Variants in PIP4K2B observed in about 807,000 individuals in gnomAD.
PIP4K2B encodes the protein phosphatidylinositol 5-phosphate 4-kinase type-2 beta.
In PIP4K2B, 3 loss-of-function variants were observed where a neutral mutation model predicts 42.0. The ratio of observed to expected loss-of-function variants is 0.07; its 90% CI spans 0.03 to 0.18. The LOEUF (loss-of-function observed/expected upper bound fraction) is 0.18, where lower values mean the gene tolerates loss of function less well. PIP4K2B is among the 10% of genes least tolerant of loss of function. The probability of loss-of-function intolerance (pLI) is 1.00; values close to 1 mark genes in which losing one functional copy is unlikely to be tolerated. For missense variants in PIP4K2B, 332 were observed against 562.3 expected (o/e 0.59, Z 4.14); for synonymous variants, 204 against 210.1 (o/e 0.97, Z 0.25).
chr17:38,787,571 G>A (rs923398529), intron 1 of PIP4K2B, among the ~76,000 whole-genome samples: 3 of 152,086 alleles, frequency 2.0e-5, no homozygotes, highest in African/African-American at 7.2e-5. Context: ...AGTTAAGCTA[G>A]GCAATACTAT....
chr17:38,786,949 C>T (rs766835627), intron 1 of PIP4K2B, 29 bp from the exon 2 acceptor site: 2 of 1,462,656 alleles, frequency 1.4e-6, no homozygotes, highest in African/African-American at 2.8e-5. Context: ...GTAAGGCTCT[C>T]AGCCAGGAGG....
rs34374571 is a variant in PIP4K2B, at chr17:38,794,609, TAAAAAAAA to T, written c.159+4649_159+4656del. Among the ~76,000 whole-genome samples, 39 of 34,250 alleles carry T rather than the reference TAAAAAAAA, an allele frequency of 1.1e-3. No homozygotes were observed. The East Asian group carries it at 0.027, about 24-fold the overall frequency. The allele number at this position is 34,250 out of a possible 152,430, so 22.5% of individuals were successfully genotyped here. A position where few individuals can be genotyped will look rare whatever the true frequency, so the allele number is the denominator to read the frequency against. ...GCAATACAGAGAAACCCCAATTCATTAAAAAAAAAAAAAAAAAAAAAAAGAGCTAGAAC... is the reference window on the plus strand; with the variant it reads ...GCAATACAGAGAAACCCCAATTCATTAAAAAAAAAAAAAAAGAGCTAGAAC... On this transcript the variant is annotated intron_variant, in intron 1 of 9. Transcript: ENST00000619039.
At chr17:38,795,118 A>G (rs560352838) in intron 1 of PIP4K2B, among the ~76,000 whole-genome samples, 34 of 150,848 alleles carry the variant, frequency 2.3e-4, no homozygotes, top group African/African-American at 3.4e-4. Context: ...AAAAAAAAAA[A>G]AAAAAAGAAA....
chr17:38,783,037 T>C (rs1157481290), intron 3 of PIP4K2B, among the ~76,000 whole-genome samples: 4 of 149,470 alleles, frequency 2.7e-5, no homozygotes, highest in South Asian at 2.1e-4. Flanking sequence ...AAAAAAGAAA[T>C]GCAAAAAATT....
At chr17:38,783,979 C>T (rs1396576896) in intron 3 of PIP4K2B, among the ~76,000 whole-genome samples, 4 of 152,180 alleles carry the variant, frequency 2.6e-5, no homozygotes, top group Non-Finnish European at 5.9e-5. Flanking sequence ...AATAAAGGTG[C>T]TTCCGCAGAC....
At chr17:38,796,654 C>T (rs970262849) in intron 1 of PIP4K2B, among the ~76,000 whole-genome samples, 1 of 152,186 alleles carries the variant, frequency 6.6e-6, no homozygotes, top group Non-Finnish European at 1.5e-5. Flanking sequence ...ACACCAAGTT[C>T]AAAGTCCTCT....
chr17:38,770,325 A>G (rs1274463091), intron 9 of PIP4K2B, 111 bp downstream of exon 9: 1 of 705,338 alleles, frequency 1.4e-6, no homozygotes, highest in Admixed American at 2.1e-5. Context: ...AGAAGGAGAC[A>G]GGAGTGTGTT....
chr17:38,796,139 AAAAC>A (rs1048903945), intron 1 of PIP4K2B, among the ~76,000 whole-genome samples: 22 of 152,186 alleles, frequency 1.4e-4, no homozygotes, highest in African/African-American at 2.9e-4. Flanking sequence ...CTCCATCACA[AAAAC>A]AAACAAACAA....
In PIP4K2B at chr17:38,769,674, C is replaced by T; in HGVS notation, c.*17G>A. The T allele has an allele frequency of 7.1e-7, 1 of 1,406,964 alleles. No homozygotes were observed. The highest frequency in any genetic ancestry group is 1.0e-6 in the Non-Finnish European group (1 of 990,846). The allele number at this position is 1,406,964 out of a possible 1,614,324, so 87.2% of individuals were successfully genotyped here. A position where few individuals can be genotyped will look rare whatever the true frequency, so the allele number is the denominator to read the frequency against. ...CCCATATCCAGCTCTCTGGCTCTGGCTGAAGGTAGAAGAGAACTACGTCAG... is the reference window on the plus strand; with the variant it reads ...CCCATATCCAGCTCTCTGGCTCTGGTTGAAGGTAGAAGAGAACTACGTCAG... On this transcript the variant is annotated 3_prime_UTR_variant, in exon 10 of 10. Coordinates refer to ENST00000619039, the MANE Select transcript of PIP4K2B (RefSeq NM_003559.5).
Position 38,799,130 on chromosome 17 carries a change from G to T in PIP4K2B, c.159+136C>A. The stretch of plus-strand genomic sequence containing the variant: ...ACACGGGGCCGAAAGGCGTGCAAGG[G>T]TGGGGTGGGCGTGCAAGTGGCTTGG... On this transcript the variant is annotated intron_variant, in intron 1 of 9. Transcript: ENST00000619039. This position sits in a 1 kb window ranked among gnomAD's most constrained non-coding sequence, Gnocchi z 4.4. 1.1e-6 allele frequency: 1 copy of T among 898,604 alleles called. No individual in the cohort carries two copies. Among genetic ancestry groups the T allele is most frequent in the Non-Finnish European group, 1.6e-6 (1 of 632,898 alleles). 55.7% of individuals were successfully genotyped at this position (898,604 alleles called of 1,614,324 possible). A position where few individuals can be genotyped will look rare whatever the true frequency, so the allele number is the denominator to read the frequency against.
intron 1 of PIP4K2B, among the ~76,000 whole-genome samples, chr17:38,794,920 C>T (rs1477457938): frequency 1.9e-4 from 29 of 151,392 alleles, no homozygotes; most frequent in African/African-American, 6.8e-4. Flanking sequence ...GCCAACATGG[C>T]AAAACCCTGT....
intron 1 of PIP4K2B, among the ~76,000 whole-genome samples, chr17:38,793,887 A>C (rs553799353): frequency 4.7e-4 from 71 of 152,038 alleles, no homozygotes; most frequent in Admixed American, 3.3e-3. Flanking sequence ...AACAAACAAA[A>C]AAAAAAACAA....
chr17:38,792,388 T>A (rs962403179), intron 1 of PIP4K2B, among the ~76,000 whole-genome samples: 6 of 152,036 alleles, frequency 3.9e-5, no homozygotes, highest in Non-Finnish European at 8.8e-5. Flanking sequence ...AAGCAATCCA[T>A]CCACCTCAGT....
chr17:38,774,803 A>G (rs1321271719), intron 7 of PIP4K2B, among the ~76,000 whole-genome samples: 1 of 152,036 alleles, frequency 6.6e-6, no homozygotes, highest in Non-Finnish European at 1.5e-5. Context: ...AAAAATAAAT[A>G]TCTTGGTATA....
At chr17:38,782,845 G>A (rs986790259) in intron 3 of PIP4K2B, among the ~76,000 whole-genome samples, 1 of 152,080 alleles carries the variant, frequency 6.6e-6, no homozygotes, top group Non-Finnish European at 1.5e-5. Context: ...TATACACTAG[G>A]TTTCACTGTG....
In PIP4K2B at chr17:38,799,436, C is replaced by T; in HGVS notation, c.-12G>A. On this transcript the variant is annotated 5_prime_UTR_variant, in exon 1 of 10. Transcript: ENST00000619039. The surrounding 1 kb of genome is among the most constrained non-coding windows in gnomAD (Gnocchi z 4.4). The stretch of plus-strand genomic sequence containing the variant: ...CAGTTGGACGACATGCCCGGGGCGG[C>T]GGCGGCGGCGGCGAAAGAGGGGGGC... The T allele has an allele frequency of 1.3e-6, 2 of 1,559,648 alleles. No individual in the cohort carries two copies. The highest frequency in any genetic ancestry group is 8.6e-7 in the Non-Finnish European group (1 of 1,160,702).
At chr17:38,787,933 T>C (rs973635878) in intron 1 of PIP4K2B, among the ~76,000 whole-genome samples, 3 of 152,146 alleles carry the variant, frequency 2.0e-5, no homozygotes, top group Non-Finnish European at 4.4e-5. Flanking sequence ...ATCCTACTAA[T>C]CTTTGGGGCA....
Position 38,789,983 on chromosome 17 carries a change from T to C in PIP4K2B, c.160-3063A>G, listed in dbSNP as rs563945852. On this transcript the variant is annotated intron_variant, in intron 1 of 9. Coordinates refer to ENST00000619039, the MANE Select transcript of PIP4K2B (RefSeq NM_003559.5). ...GCTGAGTGTAAAGGGACATGAGAAG[T>C]GTGATTCTACGGTGACAGAAATGTT... Among the ~76,000 whole-genome samples the C allele has an allele frequency of 1.4e-3, 209 of 152,130 alleles. 1 individual carries two copies. Among genetic ancestry groups the C allele is most frequent in the Non-Finnish European group, 2.6e-3 (176 of 67,990 alleles).
chr17:38,781,129 T>C (rs1200720154), intron 3 of PIP4K2B, among the ~76,000 whole-genome samples: 1 of 152,114 alleles, frequency 6.6e-6, no homozygotes, highest in Non-Finnish European at 1.5e-5. Flanking sequence ...CTCTTGTCCC[T>C]GGATCTACCC....
Sources: allele counts gnomAD v4.1 joint callset (sites outside exome capture counted in the v4.1 genomes callset), GRCh38; gene constraint gnomAD v4.1.1; non-coding constraint Gnocchi (gnomAD v3.1); transcripts MANE v1.5; gene names NCBI Gene and HGNC (gene_info 2026-07-23, HGNC 2026-07-21).